DMTF1: variants seen among roughly 807,000 people sequenced by gnomAD.
The protein encoded by DMTF1 is cyclin D binding myb like transcription factor 1, also known as cyclin-D-binding Myb-like transcription factor 1.
A neutral mutation model predicts 91.1 loss-of-function variants in DMTF1; 39 were observed. The observed-to-expected ratio is 0.43, with a 90% confidence interval of 0.33 to 0.56. DMTF1 has a LOEUF of 0.56. DMTF1 is among the 20% of genes least tolerant of loss of function. The pLI, the probability that DMTF1 is intolerant of heterozygous loss-of-function variation, is 0.05. For missense variants in DMTF1, 750 were observed against 914.5 expected, an observed-to-expected ratio of 0.82 and a Z score of 2.32; for synonymous variants, 338 against 309.5, an observed-to-expected ratio of 1.09 and a Z score of -0.97.
chr7:87,183,019 G>T (rs1157894442), intron 10 of DMTF1, among the ~76,000 whole-genome samples: 1 of 151,978 alleles, frequency 6.6e-6, no homozygotes, highest in Non-Finnish European at 1.5e-5. Flanking sequence ...TAGAGTAGGT[G>T]GTCTCATAGT....
chr7:87,194,564 T>C, intron 16 of DMTF1, 120 bp from the exon 17 acceptor site: 2 of 712,614 alleles, frequency 2.8e-6, no homozygotes, highest in Admixed American at 6.5e-5. Context: ...TAACTTTTTA[T>C]TTTATATTCT....
chr7:87,161,392 C>A (rs1239375426), intron 1 of DMTF1, among the ~76,000 whole-genome samples: 3 of 152,202 alleles, frequency 2.0e-5, no homozygotes, highest in Non-Finnish European at 4.4e-5. Context: ...GTCCCAGCTA[C>A]TCAGGAGGCT....
intron 11 of DMTF1, among the ~76,000 whole-genome samples, chr7:87,185,374 T>C (rs927929447): frequency 1.3e-5 from 2 of 151,654 alleles, no homozygotes; most frequent in African/African-American, 2.4e-5. Flanking sequence ...TTTTGTGTTA[T>C]TTTGTTTTGG....
At chr7:87,194,177 C>T (rs1800590506) in intron 16 of DMTF1, 75 bp downstream of exon 16, 5 of 1,472,098 alleles carry the variant, frequency 3.4e-6, no homozygotes, top group Admixed American at 2.3e-5. Context: ...AAACTTTTTT[C>T]TGAAGACTCA....
chr7:87,175,181 C>T (rs572972214), intron 7 of DMTF1, among the ~76,000 whole-genome samples: 3 of 151,840 alleles, frequency 2.0e-5, no homozygotes, highest in Admixed American at 6.6e-5. Flanking sequence ...CCACCACGCC[C>T]GGCTAATTTT....
chr7:87,160,715 T>C (rs983254192), intron 1 of DMTF1, among the ~76,000 whole-genome samples: 2 of 152,218 alleles, frequency 1.3e-5, no homozygotes, highest in Non-Finnish European at 2.9e-5. Context: ...TTCTCAGTTA[T>C]CTTTCCCCCC....
intron 1 of DMTF1, among the ~76,000 whole-genome samples, chr7:87,153,300 G>T (rs1789783170): frequency 6.6e-6 from 1 of 152,134 alleles, no homozygotes; most frequent in Non-Finnish European, 1.5e-5. Context: ...AAATGCGGCT[G>T]TAAAGTTGTA....
intron 9 of DMTF1, among the ~76,000 whole-genome samples, chr7:87,181,735 C>T (rs1452483349): frequency 6.6e-6 from 1 of 152,172 alleles, no homozygotes; most frequent in African/African-American, 2.4e-5. Context: ...CTGACTCAAC[C>T]TTGCAAAGGC....
intron 6 of DMTF1, 48 bp from the exon 7 acceptor site, chr7:87,174,545 C>A: frequency 7.9e-7 from 1 of 1,262,080 alleles, no homozygotes; most frequent in South Asian, 1.3e-5. Flanking sequence ...TGTTTTATTT[C>A]TTTCAAGGAG....
chr7:87,190,871 A>G, intron 13 of DMTF1, 74 bp from the exon 14 acceptor site: 1 of 1,270,246 alleles, frequency 7.9e-7, no homozygotes, highest in Non-Finnish European at 1.1e-6. Flanking sequence ...AATTGAGTAC[A>G]CTAGAGAAAC....
intron 4 of DMTF1, 120 bp from the exon 5 acceptor site, chr7:87,170,875 T>G: frequency 1.5e-6 from 1 of 671,872 alleles, no homozygotes; most frequent in Non-Finnish European, 2.6e-6. Context: ...TATGTGAAGA[T>G]GTATTAACAA....
chr7:87,180,831 T>C (rs1181572705), intron 8 of DMTF1, among the ~76,000 whole-genome samples: 1 of 147,586 alleles, frequency 6.8e-6, no homozygotes, highest in Non-Finnish European at 1.5e-5. Flanking sequence ...TAAAAAAAAA[T>C]AAAAATAGAA....
intron 7 of DMTF1, among the ~76,000 whole-genome samples, chr7:87,179,171 A>G (rs1796853615): frequency 6.6e-6 from 1 of 151,858 alleles, no homozygotes; most frequent in African/African-American, 2.4e-5. Flanking sequence ...ATCTTAATGG[A>G]TGTTTTCAAA....
chr7:87,182,415 CT>C, intron 10 of DMTF1, 78 bp downstream of exon 10: 1 of 1,413,692 alleles, frequency 7.1e-7, no homozygotes, highest in South Asian at 1.2e-5. Context: ...CTTTTCTTTG[CT>C]CTTGGGGAGC....
At chr7:87,164,286 C>T (rs908231479) in intron 2 of DMTF1, 1 of 152,080 alleles carries the variant, frequency 6.6e-6, no homozygotes, top group Non-Finnish European at 1.5e-5. Context: ...ACTAGTTATT[C>T]CATCTGTCTG....
intron 11 of DMTF1, among the ~76,000 whole-genome samples, 188 bp from the exon 12 acceptor site, chr7:87,185,641 T>C (rs184821767): frequency 3.3e-5 from 5 of 152,356 alleles, no homozygotes; most frequent in African/African-American, 1.2e-4. Context: ...CTGTTGGTAT[T>C]TCTTAGCTGT....
intron 1 of DMTF1, among the ~76,000 whole-genome samples, chr7:87,157,915 A>G (rs910053958): frequency 6.6e-6 from 1 of 151,964 alleles, no homozygotes; most frequent in Non-Finnish European, 1.5e-5. Context: ...CTGCAATTGT[A>G]TAATTGTTTT....
intron 14 of DMTF1, among the ~76,000 whole-genome samples, chr7:87,192,266 A>G (rs1426468642): frequency 6.6e-6 from 1 of 152,150 alleles, no homozygotes; most frequent in African/African-American, 2.4e-5. Flanking sequence ...AAACACATAT[A>G]ATATATACAT....
At chr7:87,153,498 T>C (rs1466851202) in intron 1 of DMTF1, among the ~76,000 whole-genome samples, 1 of 152,236 alleles carries the variant, frequency 6.6e-6, no homozygotes, top group African/African-American at 2.4e-5. Flanking sequence ...ATAGAGCATA[T>C]GTCTTTATAT....
Sources: allele counts gnomAD v4.1 joint callset (sites outside exome capture counted in the v4.1 genomes callset), GRCh38; gene constraint gnomAD v4.1.1; transcripts MANE v1.5; gene names NCBI Gene and HGNC (gene_info 2026-07-23, HGNC 2026-07-21).